CNGB3: variants seen among roughly 807,000 people sequenced by gnomAD.
CNGB3 encodes the protein cyclic nucleotide-gated channel beta-3.
In CNGB3, 86 loss-of-function variants were observed where a neutral mutation model predicts 92.8. The ratio of observed to expected loss-of-function variants is 0.93; its 90% CI spans 0.78 to 1.11. The LOEUF (loss-of-function observed/expected upper bound fraction) is 1.11, where lower values mean the gene tolerates loss of function less well. CNGB3 is among the 50% of genes least tolerant of loss of function. The probability of loss-of-function intolerance (pLI) is 0.00; values close to 1 mark genes in which losing one functional copy is unlikely to be tolerated. For missense variants in CNGB3, 1,026 were observed against 956.8 expected, an observed-to-expected ratio of 1.07 and a Z score of -0.95; for synonymous variants, 333 against 332.7, an observed-to-expected ratio of 1.00 and a Z score of -0.01.
chr8:86,666,889 A>T (rs147107709), intron 6 of CNGB3, 36 bp downstream of exon 6: 2 of 1,514,148 alleles, frequency 1.3e-6, no homozygotes, highest in African/African-American at 2.7e-5. Flanking sequence ...GATGTTATTC[A>T]CGTTTCAGTT....
At chr8:86,660,702 C>A in intron 6 of CNGB3, 1 of 529,450 alleles carries the variant, frequency 1.9e-6, no homozygotes, top group Admixed American at 1.9e-5. Context: ...GTGAGAAGTT[C>A]CATACACAGT....
intron 6 of CNGB3, among the ~76,000 whole-genome samples, chr8:86,664,128 C>A (rs962737064): frequency 6.6e-6 from 1 of 152,176 alleles, no homozygotes; most frequent in Non-Finnish European, 1.5e-5. Context: ...TTAACTAATG[C>A]TATAAAGTCT....
At chr8:86,713,580 T>C (rs1014134909) in intron 3 of CNGB3, among the ~76,000 whole-genome samples, 2 of 152,186 alleles carry the variant, frequency 1.3e-5, no homozygotes, top group Non-Finnish European at 2.9e-5. Context: ...AAGATAAATA[T>C]TTTAAAATCA....
At chr8:86,708,340 G>A (rs2131655666) in intron 3 of CNGB3, among the ~76,000 whole-genome samples, 1 of 152,156 alleles carries the variant, frequency 6.6e-6, no homozygotes, top group East Asian at 1.9e-4. Context: ...GCTCTGGTAA[G>A]CCAGATAAAG....
chr8:86,601,150 T>C (rs1374050972), intron 15 of CNGB3, among the ~76,000 whole-genome samples: 1 of 152,050 alleles, frequency 6.6e-6, no homozygotes, highest in East Asian at 1.9e-4. Flanking sequence ...CGAAGAGAGA[T>C]GAAACCAATA....
chr8:86,743,291 G>T (rs948563474), intron 1 of CNGB3, among the ~76,000 whole-genome samples: 1 of 152,162 alleles, frequency 6.6e-6, no homozygotes. Context: ...CCAAATCCTA[G>T]TATAGTCTCC....
intron 3 of CNGB3, among the ~76,000 whole-genome samples, chr8:86,688,659 T>G (rs970261478): frequency 6.6e-6 from 1 of 152,128 alleles, no homozygotes; most frequent in Non-Finnish European, 1.5e-5. Flanking sequence ...GTATCAGTTG[T>G]AATGTCTCCT....
chr8:86,697,015 T>G (rs905090884), intron 3 of CNGB3, among the ~76,000 whole-genome samples: 2 of 151,454 alleles, frequency 1.3e-5, no homozygotes, highest in African/African-American at 2.4e-5. Context: ...CCAGAGAAGA[T>G]CACCTTCACT....
chr8:86,591,241 C>T (rs1822028250), intron 15 of CNGB3, among the ~76,000 whole-genome samples: 1 of 143,070 alleles, frequency 7.0e-6, no homozygotes, highest in African/African-American at 2.6e-5. Context: ...ATACATTCTT[C>T]TAAATTTTTT....
chr8:86,674,301 C>T (rs1211374493), intron 3 of CNGB3, among the ~76,000 whole-genome samples: 1 of 152,184 alleles, frequency 6.6e-6, no homozygotes, highest in Admixed American at 6.5e-5. Context: ...TGCAAACCCA[C>T]CTCATGGTTA....
intron 14 of CNGB3, 66 bp from the exon 15 acceptor site, chr8:86,604,277 GA>G: frequency 9.7e-7 from 1 of 1,028,654 alleles, no homozygotes; most frequent in Admixed American, 1.9e-5. Flanking sequence ...TGTAAATTAA[GA>G]AATATAAATT....
At chr8:86,693,592 G>GCCTT (rs1357801200) in intron 3 of CNGB3, among the ~76,000 whole-genome samples, 1 of 150,242 alleles carries the variant, frequency 6.7e-6, no homozygotes, top group Non-Finnish European at 1.5e-5. Context: ...GGACCCTGCG[G>GCCTT]CCTTCCGCAG....
At chr8:86,600,520 G>A (rs548305355) in intron 15 of CNGB3, among the ~76,000 whole-genome samples, 18 of 152,250 alleles carry the variant, frequency 1.2e-4, no homozygotes, top group African/African-American at 2.6e-4. Flanking sequence ...TTTGAATGGA[G>A]GCATGATACA....
chr8:86,630,089 C>CA (rs1232652126), intron 11 of CNGB3, among the ~76,000 whole-genome samples: 1 of 152,014 alleles, frequency 6.6e-6, no homozygotes, highest in Non-Finnish European at 1.5e-5. Flanking sequence ...TTTTTAGAGC[C>CA]AAAAAATTCT....
chr8:86,742,319 A>G (rs112109883), intron 1 of CNGB3, among the ~76,000 whole-genome samples: 2,522 of 152,336 alleles, frequency 0.017, 32 homozygotes, highest in Non-Finnish European at 0.026. Flanking sequence ...ACATATAGAT[A>G]ACTTAGTGTG....
At chr8:86,737,206 C>T (rs182765049) in intron 2 of CNGB3, among the ~76,000 whole-genome samples, 31 of 152,070 alleles carry the variant, frequency 2.0e-4, no homozygotes, top group Admixed American at 1.8e-3. Context: ...TAAATAAAGT[C>T]AAGAAAACTA....
intron 15 of CNGB3, among the ~76,000 whole-genome samples, chr8:86,588,751 T>C (rs1195614077): frequency 6.6e-6 from 1 of 151,210 alleles, no homozygotes; most frequent in Non-Finnish European, 1.5e-5. Flanking sequence ...AGTATTTTAT[T>C]GAGGATTTTT....
intron 8 of CNGB3, among the ~76,000 whole-genome samples, chr8:86,647,070 T>G (rs1823303118): frequency 6.6e-6 from 1 of 151,156 alleles, no homozygotes; most frequent in Non-Finnish European, 1.5e-5. Flanking sequence ...TTTTTCCTTT[T>G]CTGTTATACA....
chr8:86,673,556 A>G (rs147760477), intron 3 of CNGB3, among the ~76,000 whole-genome samples: 141 of 152,306 alleles, frequency 9.3e-4, no homozygotes, highest in Non-Finnish European at 1.7e-3. Flanking sequence ...GTGGGCAAAG[A>G]GAGCCAATGC....
Sources: allele counts gnomAD v4.1 joint callset (sites outside exome capture counted in the v4.1 genomes callset), GRCh38; gene constraint gnomAD v4.1.1; transcripts MANE v1.5; gene names NCBI Gene and HGNC (gene_info 2026-07-23, HGNC 2026-07-21).